Variants in OLFM3 observed in about 807,000 individuals in gnomAD.
OLFM3 encodes the protein olfactomedin 3, also known as noelin-3.
Under a neutral mutation model 48.6 loss-of-function variants are expected in OLFM3, and 20 were observed. The observed-to-expected ratio is 0.41, with a 90% CI of 0.29 to 0.60. The LOEUF is 0.60. Among genes scored for constraint, OLFM3 ranks in the 20% least tolerant of loss-of-function variants. The pLI is 0.28. For missense variants in OLFM3, 437 were observed against 544.3 expected (o/e 0.80, Z 1.96); for synonymous variants, 222 against 198.1 (o/e 1.12, Z -1.01).
At chr1:101,917,427 T>C (rs1042478304) in intron 1 of OLFM3, among the ~76,000 whole-genome samples, 3 of 152,026 alleles carry the variant, frequency 2.0e-5, no homozygotes, top group Non-Finnish European at 4.4e-5. Flanking sequence ...CATATATATA[T>C]ATATTTTGAG....
chr1:101,844,776 T>C (rs1403157680), intron 1 of OLFM3, among the ~76,000 whole-genome samples: 1 of 152,204 alleles, frequency 6.6e-6, no homozygotes, highest in African/African-American at 2.4e-5. Context: ...CATTTTGTTT[T>C]ATTCAAAAAT....
chr1:101,836,974 G>A lies in OLFM3; in HGVS notation c.121C>T (p.Pro41Ser), dbSNP rs778515368. The stretch of plus-strand genomic sequence containing the variant: ...ACTGTGCAAATGCACCGCCCATCAG[G>A]ATCCTGAGCTGAGCTGTACACCTGC... ...GWQVYSSAQD[P>S]DGRCICTVVA... The change falls in exon 2 of 6, where the codon CCT becomes TCT. Residue 41 changes from proline to serine, a missense_variant. Transcript: ENST00000370103. The A allele has an allele frequency of 1.9e-6, 3 of 1,614,102 alleles. No homozygotes were observed. The highest frequency in any genetic ancestry group is 2.5e-6 in the Non-Finnish European group (3 of 1,179,996).
chr1:101,822,502 G>A (rs140173386), intron 4 of OLFM3, among the ~76,000 whole-genome samples: 54 of 152,036 alleles, frequency 3.6e-4, no homozygotes, highest in African/African-American at 6.0e-4. Flanking sequence ...GGTCTGGAAC[G>A]GTTGGTTTCT....
At chr1:101,949,209 T>C (rs889330717) in intron 1 of OLFM3, among the ~76,000 whole-genome samples, 6 of 152,154 alleles carry the variant, frequency 3.9e-5, no homozygotes, top group African/African-American at 1.4e-4. Flanking sequence ...ACTGTTTATG[T>C]TCCCTCCCTA....
At chr1:101,881,576 A>G (rs926214078) in intron 1 of OLFM3, among the ~76,000 whole-genome samples, 2 of 151,890 alleles carry the variant, frequency 1.3e-5, no homozygotes, top group African/African-American at 4.8e-5. Context: ...TAATAACAAT[A>G]AGGAGTAAGC....
At chr1:101,885,849 T>G (rs1657734635) in intron 1 of OLFM3, among the ~76,000 whole-genome samples, 1 of 152,100 alleles carries the variant, frequency 6.6e-6, no homozygotes, top group Non-Finnish European at 1.5e-5. Flanking sequence ...TATTGGTACA[T>G]CTTCCAGTCA....
intron 4 of OLFM3, among the ~76,000 whole-genome samples, chr1:101,821,775 G>C (rs1030501394): frequency 6.6e-6 from 1 of 152,024 alleles, no homozygotes; most frequent in Non-Finnish European, 1.5e-5. Context: ...AAGTCATCTC[G>C]ATTAACTTAT....
At chr1:101,903,959 A>G (rs1376647445) in intron 1 of OLFM3, among the ~76,000 whole-genome samples, 2 of 152,116 alleles carry the variant, frequency 1.3e-5, no homozygotes, top group Non-Finnish European at 2.9e-5. Flanking sequence ...AAATTTATTA[A>G]CAAAGTAATT....
intron 1 of OLFM3, among the ~76,000 whole-genome samples, chr1:101,846,137 A>G (rs1417616560): frequency 3.0e-4 from 45 of 152,224 alleles, no homozygotes; most frequent in Admixed American, 2.9e-3. Context: ...GCTTCAAACT[A>G]TCAGGAAATA....
chr1:101,828,341 A>G (rs1654988502), intron 3 of OLFM3, among the ~76,000 whole-genome samples: 1 of 152,190 alleles, frequency 6.6e-6, no homozygotes, highest in South Asian at 2.1e-4. Context: ...AATATACTGA[A>G]AGTGCTCAGA....
chr1:101,827,434 C>T (rs1654915093), intron 3 of OLFM3, among the ~76,000 whole-genome samples: 1 of 152,090 alleles, frequency 6.6e-6, no homozygotes, highest in African/African-American at 2.4e-5. Flanking sequence ...ATTCTCCTGC[C>T]TCAGCCTCTC....
chr1:101,910,265 G>C (rs1303003144), intron 1 of OLFM3: 2 of 263,246 alleles, frequency 7.6e-6, no homozygotes, highest in Non-Finnish European at 1.2e-5. Flanking sequence ...AGGAGATCGA[G>C]ACCATTCTGG....
chr1:101,992,713 G>A lies in OLFM3; in HGVS notation c.69+4035C>T, dbSNP rs114126535. On this transcript the variant is annotated intron_variant, in intron 1 of 5. Transcript: ENST00000370103. ...GATTTATGTATGAAAGCTACACTTA[G>A]GCAGTTTAAGTCTGATTATTTTCTT... 5.6e-3 allele frequency among the ~76,000 whole-genome samples: 847 copies of A among 151,900 alleles called. 6 individuals carry two copies. Among genetic ancestry groups the A allele is most frequent in the African/African-American group, 0.02 (812 of 41,432 alleles).
chr1:101,927,092 G>C (rs1659295430), intron 1 of OLFM3, among the ~76,000 whole-genome samples: 1 of 152,096 alleles, frequency 6.6e-6, no homozygotes, highest in South Asian at 2.1e-4. Flanking sequence ...CTAAGGAAGA[G>C]TCACTTTTAT....
intron 1 of OLFM3, among the ~76,000 whole-genome samples, chr1:101,858,929 G>C (rs747483909): frequency 2.0e-5 from 3 of 152,044 alleles, no homozygotes; most frequent in Non-Finnish European, 4.4e-5. Flanking sequence ...AATTCCATTT[G>C]GGTGGGATAG....
At chr1:101,866,412 T>C (rs1448394719) in intron 1 of OLFM3, among the ~76,000 whole-genome samples, 3 of 124,682 alleles carry the variant, frequency 2.4e-5, no homozygotes, top group African/African-American at 5.3e-5. Context: ...ATTGAATCAA[T>C]AGATGATAAA....
At chr1:101,988,052 A>G (rs1267481049) in intron 1 of OLFM3, among the ~76,000 whole-genome samples, 1 of 152,082 alleles carries the variant, frequency 6.6e-6, no homozygotes, top group Non-Finnish European at 1.5e-5. Flanking sequence ...AATGGAGGCA[A>G]TATGGCTTTT....
At chr1:101,919,640 G>C (rs987008293) in intron 1 of OLFM3, among the ~76,000 whole-genome samples, 3 of 152,044 alleles carry the variant, frequency 2.0e-5, no homozygotes, top group African/African-American at 7.2e-5. Context: ...GGTGCCCCAG[G>C]GATCAGCCTT....
At chr1:101,912,564 C>G (rs1225358644) in intron 1 of OLFM3, among the ~76,000 whole-genome samples, 1 of 152,192 alleles carries the variant, frequency 6.6e-6, no homozygotes, top group Non-Finnish European at 1.5e-5. Flanking sequence ...TTGAACTACA[C>G]TTATTCACAG....
Sources: gnomAD v4.1 joint callset for allele counts (sites outside exome capture counted in the v4.1 genomes callset) on GRCh38, gnomAD v4.1.1 for gene constraint, MANE v1.5 for transcripts, NCBI Gene and HGNC (gene_info 2026-07-23, HGNC 2026-07-21) for gene names.